BCL9L: variants seen among roughly 807,000 people sequenced by gnomAD.
BCL9L encodes B-cell CLL/lymphoma 9-like protein.
A neutral mutation model predicts 99.4 loss-of-function variants in BCL9L; 19 were observed. That is an observed-to-expected ratio of 0.19 (90% CI 0.13 to 0.28). BCL9L has a LOEUF of 0.28. Ranked by LOEUF, BCL9L falls within the 10% of genes least tolerant of loss-of-function variation. The pLI is 1.00. For missense variants in BCL9L, 2,023 were observed against 2,101.6 expected, an observed-to-expected ratio of 0.96 and a Z score of 0.73; for synonymous variants, 900 against 854.8, an observed-to-expected ratio of 1.05 and a Z score of -0.92.
In BCL9L at chr11:118,921,467, A is replaced by T. The variant is rs1941136350; in HGVS notation, c.-130-2588T>A. On this transcript the variant is annotated intron_variant, in intron 1 of 9. Coordinates refer to ENST00000683865, the MANE Select transcript of BCL9L (RefSeq NM_001378213.1). This position sits in a 1 kb window ranked among gnomAD's most constrained non-coding sequence, Gnocchi z 5.4. ...TCGAAATGCTGGAAATGCTGGATTC[A>T]GGGCCATTCCGAGTTGAGGCTGGGG... 6.6e-6 allele frequency among the ~76,000 whole-genome samples: 1 copy of T among 152,066 alleles called. No homozygotes were observed. The highest frequency in any genetic ancestry group is 1.5e-5 in the Non-Finnish European group (1 of 68,018).
At chr11:118,904,222 C>A (rs1323393919) in intron 5 of BCL9L, among the ~76,000 whole-genome samples, 1 of 151,904 alleles carries the variant, frequency 6.6e-6, no homozygotes. Context: ...GGGCGGATCA[C>A]CTGAGGTCAT....
At position 118,902,603 on chromosome 11, in the gene BCL9L, C is replaced by A. The variant is rs756056248; in HGVS notation, c.1140G>T (p.Leu380=). Reference sequence around the variant, plus strand: ...CATTTCCAGGGGCGGCTGCCTCCCCCAGCAGGGCAGGGCCGGGGGCACTGC... The same window carrying A: ...CATTTCCAGGGGCGGCTGCCTCCCCAAGCAGGGCAGGGCCGGGGGCACTGC... ...DPSSAPGPAL[L]GEAAAPGNGQ... Residue 380 remains leucine, a synonymous_variant, in exon 8 of 10, where the codon CTG becomes CTT. Coordinates refer to ENST00000683865, the MANE Select transcript of BCL9L (RefSeq NM_001378213.1). This position sits in a 1 kb window ranked among gnomAD's most constrained non-coding sequence, Gnocchi z 7.8. 11 of 1,599,950 alleles carry A rather than the reference C, an allele frequency of 6.9e-6. No homozygotes were observed. Among genetic ancestry groups the A allele is most frequent in the African/African-American group, 4.0e-5 (3 of 74,924 alleles).
Position 118,914,055 on chromosome 11 carries a change from A to T in BCL9L, c.-76-4040T>A, listed in dbSNP as rs1940890978. 6.6e-6 allele frequency among the ~76,000 whole-genome samples: 1 copy of T among 151,994 alleles called. No homozygotes were observed. The highest frequency in any genetic ancestry group is 2.1e-4 in the South Asian group (1 of 4,820). On this transcript the variant is annotated intron_variant, in intron 2 of 9. Transcript: ENST00000683865. The surrounding 1 kb of genome is among the most constrained non-coding windows in gnomAD (Gnocchi z 4.4). The stretch of plus-strand genomic sequence containing the variant: ...CTGGCACCTGCACCAGGGTGGGGGT[A>T]GGAGATGATCCAGGTGCCACTCTCT...
At position 118,921,343 on chromosome 11, in the gene BCL9L, G is replaced by T. The variant is rs1405835963; in HGVS notation, c.-130-2464C>A. ...AAACTCAGACACACAAACTTGCAGC[G>T]CAGAGTGTGTGAAGTCGGATTAGAA... On this transcript the variant is annotated intron_variant, in intron 1 of 9. Transcript: ENST00000683865. The surrounding 1 kb of genome is among the most constrained non-coding windows in gnomAD (Gnocchi z 5.4). Among the ~76,000 whole-genome samples the T allele has an allele frequency of 1.3e-5, 2 of 152,102 alleles. No homozygotes were observed. The highest frequency in any genetic ancestry group is 4.8e-5 in the African/African-American group (2 of 41,354).
Position 118,903,254 on chromosome 11 carries a change from G to A in BCL9L, c.731C>T (p.Thr244Ile). The part of the protein sequence containing the change: ...KPPSQFVYVF[T>I]THLANTAAEA... ...CACTTACGTGTTGGCCAGGTGGGTG[G>A]TGAAGACATATACGAACTGCGAGGG... The change falls in exon 6 of 10, where the codon ACC becomes ATC. Residue 244 changes from threonine (T) to isoleucine (I), a missense_variant. By Grantham distance (89) the Thr-to-Ile change is moderately conservative. Transcript: ENST00000683865. This position sits in a 1 kb window ranked among gnomAD's most constrained non-coding sequence, Gnocchi z 5.6. 1 of 1,590,058 alleles carries A rather than the reference G, an allele frequency of 6.3e-7. No individual in the cohort carries two copies. Among genetic ancestry groups the A allele is most frequent in the East Asian group, 2.3e-5 (1 of 44,156 alleles).
chr11:118,903,583 G>A lies in BCL9L; in HGVS notation c.533-131C>T. 1 of 1,022,186 alleles carries A rather than the reference G, an allele frequency of 9.8e-7. No individual in the cohort carries two copies. 63.3% of individuals were successfully genotyped at this position (1,022,186 alleles called of 1,614,324 possible). A position where few individuals can be genotyped will look rare whatever the true frequency, so the allele number is the denominator to read the frequency against. On this transcript the variant is annotated intron_variant, in intron 5 of 9. Coordinates refer to ENST00000683865, the MANE Select transcript of BCL9L (RefSeq NM_001378213.1). This position sits in a 1 kb window ranked among gnomAD's most constrained non-coding sequence, Gnocchi z 5.6. ...GGGACATTTGATGTCAGTATCTGGTGTTCTCACCAGGCTGGTTTCCACGAT... is the reference window on the plus strand; with the variant it reads ...GGGACATTTGATGTCAGTATCTGGTATTCTCACCAGGCTGGTTTCCACGAT...
At position 118,903,517 on chromosome 11, in the gene BCL9L, C is replaced by T. The variant is rs548840781; in HGVS notation, c.533-65G>A. The T allele has an allele frequency of 9.2e-6, 14 of 1,522,890 alleles. No individual in the cohort carries two copies. The African/African-American group carries it at 1.8e-4, about 19-fold the overall frequency. The allele number at this position is 1,522,890 out of a possible 1,614,324, so 94.3% of individuals were successfully genotyped here. On this transcript the variant is annotated intron_variant, in intron 5 of 9. Transcript: ENST00000683865. This position sits in a 1 kb window ranked among gnomAD's most constrained non-coding sequence, Gnocchi z 5.6. ...GATACAAGAAGGACCAGCTGATGCC[C>T]CCTCCCACTGATGCTCACAGCCTTA...
Position 118,896,275 on chromosome 11 carries a change from A to ATATATT in BCL9L, c.*2134_*2139dup, listed in dbSNP as rs1323640430. 19 of 164,238 alleles carry ATATATT rather than the reference A, an allele frequency of 1.2e-4. No homozygotes were observed. Among genetic ancestry groups the ATATATT allele is most frequent in the Admixed American group, 2.6e-4 (4 of 15,100 alleles). The allele number at this position is 164,238 out of a possible 1,614,324, so 10.2% of individuals were successfully genotyped here. Reference sequence around the variant, plus strand: ...GAAGATGTCTTCACATATTGTATTTATATATTTATATTTATATATATATTT... The same window carrying ATATATT: ...GAAGATGTCTTCACATATTGTATTTATATATTTATATTTATATTTATATATATATTT... On this transcript the variant is annotated 3_prime_UTR_variant, in exon 10 of 10. Coordinates refer to ENST00000683865, the MANE Select transcript of BCL9L (RefSeq NM_001378213.1).
Position 118,902,879 on chromosome 11 carries a change from C to T in BCL9L, c.864G>A (p.Pro288=), listed in dbSNP as rs1354724909. Residue 288 remains proline, a synonymous_variant, in exon 8 of 10, where the codon CCG becomes CCA. Coordinates refer to ENST00000683865, the MANE Select transcript of BCL9L (RefSeq NM_001378213.1). This position sits in a 1 kb window ranked among gnomAD's most constrained non-coding sequence, Gnocchi z 7.8. ...CTGCTGACGGCGTGCTCAGGGGTAG[C>T]GGTTCTGGGGTGGGGGGCACTTTAG... ...QAPKVPPTPE[P]LPLSTPSAGT... is the part of the protein sequence containing the mutation. 6 of 1,559,114 alleles carry T rather than the reference C, an allele frequency of 3.8e-6. No individual in the cohort carries two copies. Among genetic ancestry groups the T allele is most frequent in the South Asian group, 2.4e-5 (2 of 84,698 alleles).
chr11:118,902,074 C>T lies in BCL9L; in HGVS notation c.1669G>A (p.Val557Met). Residue 557 changes from valine to methionine, a missense_variant, in exon 8 of 10, where the codon GTG (valine) becomes ATG (methionine). Around this residue, in one of 3 missense-constraint regions of BCL9L, gnomAD observed 1,116 missense variants for 1,194.6 expected, o/e 0.93. Coordinates refer to ENST00000683865, the MANE Select transcript of BCL9L (RefSeq NM_001378213.1). The surrounding 1 kb of genome is among the most constrained non-coding windows in gnomAD (Gnocchi z 7.8). ...QDMMGMGGMM[V>M]RGPPPPYHSK... The stretch of plus-strand genomic sequence containing the variant: ...TGGTAAGGAGGCGGGGGCCCCCTCA[C>T]CATCATGCCCCCCATGCCCATCATG... 1 of 1,614,052 alleles carries T rather than the reference C, an allele frequency of 6.2e-7. No individual in the cohort carries two copies. The highest frequency in any genetic ancestry group is 1.1e-5 in the South Asian group (1 of 91,086).
Position 118,901,436 on chromosome 11 carries a change from G to T in BCL9L, c.2307C>A (p.Asn769Lys), listed in dbSNP as rs1940230104. The change falls in exon 8 of 10, where the codon AAC becomes AAA. Residue 769 changes from asparagine to lysine, a missense_variant. Transcript: ENST00000683865. The surrounding 1 kb of genome is among the most constrained non-coding windows in gnomAD (Gnocchi z 6.6). ...REVDPPMGPG[N>K]LNMNMNVNMN... Reference sequence around the variant, plus strand: ...TGTTGACATTCATGTTCATGTTGAGGTTGCCTGGCCCCATGGGTGGGTCCA... The same window carrying T: ...TGTTGACATTCATGTTCATGTTGAGTTTGCCTGGCCCCATGGGTGGGTCCA... The T allele has an allele frequency of 1.9e-6, 3 of 1,613,944 alleles. No individual in the cohort carries two copies. The highest frequency in any genetic ancestry group is 1.7e-5 in the Admixed American group (1 of 60,000).
intron 1 of BCL9L, among the ~76,000 whole-genome samples, chr11:118,924,091 G>A (rs1941219542): frequency 6.6e-6 from 1 of 152,242 alleles, no homozygotes; most frequent in Middle Eastern, 3.4e-3. Flanking sequence ...AGAAGAGAAG[G>A]AGAAGACAGT....
intron 2 of BCL9L, chr11:118,911,256 A>T: frequency 2.2e-6 from 1 of 455,770 alleles, no homozygotes; most frequent in Non-Finnish European, 4.4e-6. Context: ...TCTTGGGCCC[A>T]GGAGCTTCGT....
rs1015188876 is a variant in BCL9L at position 118,921,229 on chromosome 11, G to A, written c.-130-2350C>T. Among the ~76,000 whole-genome samples the A allele has an allele frequency of 3.3e-5, 5 of 151,986 alleles. No individual in the cohort carries two copies. The highest frequency in any genetic ancestry group is 1.3e-4 in the Admixed American group (2 of 15,258). On this transcript the variant is annotated intron_variant, in intron 1 of 9. Coordinates refer to ENST00000683865, the MANE Select transcript of BCL9L (RefSeq NM_001378213.1). This position sits in a 1 kb window ranked among gnomAD's most constrained non-coding sequence, Gnocchi z 5.4. ...TCACACAGAACTGCCAAACAGAACC[G>A]CCGACAGAAGATACACCCACACTGA...
At chr11:118,915,989 A>G (rs541487684) in intron 2 of BCL9L, among the ~76,000 whole-genome samples, 1 of 152,132 alleles carries the variant, frequency 6.6e-6, no homozygotes, top group South Asian at 2.1e-4. Flanking sequence ...ATCTGTTCCC[A>G]TTTTCTCGTG....
rs1592005437 is a variant in BCL9L, at chr11:118,921,494, T to G, written c.-130-2615A>C. Among the ~76,000 whole-genome samples the G allele has an allele frequency of 6.8e-6, 1 of 146,616 alleles. No individual in the cohort carries two copies. The highest frequency in any genetic ancestry group is 2.5e-5 in the African/African-American group (1 of 39,218). On this transcript the variant is annotated intron_variant, in intron 1 of 9. Transcript: ENST00000683865. The surrounding 1 kb of genome is among the most constrained non-coding windows in gnomAD (Gnocchi z 5.4). ...GGCCATTCCGAGTTGAGGCTGGGGG[T>G]GGGGAAGTGGAGAGTGAGGAGGAGG...
rs1198250570 is a variant in BCL9L at position 118,903,694 on chromosome 11, G to A, written c.533-242C>T. Among the ~76,000 whole-genome samples, 2 of 152,188 alleles carry A rather than the reference G, an allele frequency of 1.3e-5. No homozygotes were observed. The highest frequency in any genetic ancestry group is 2.9e-5 in the Non-Finnish European group (2 of 68,030). ...CCCATGGGCCTGGCATTCTGCTGGG[G>A]ACTTAACAGGTGTGATTTCATCTCA... is the stretch of plus-strand genomic sequence containing the variant. On this transcript the variant is annotated intron_variant, in intron 5 of 9. Transcript: ENST00000683865. This position sits in a 1 kb window ranked among gnomAD's most constrained non-coding sequence, Gnocchi z 5.6.
chr11:118,909,190 C>T (rs952689380), intron 3 of BCL9L, among the ~76,000 whole-genome samples: 1 of 152,128 alleles, frequency 6.6e-6, no homozygotes, highest in East Asian at 1.9e-4. Flanking sequence ...CTGGTCCAGA[C>T]AGCTGGAGGG....
In BCL9L at chr11:118,900,795, A is replaced by G. The variant is rs778914229; in HGVS notation, c.2948T>C (p.Leu983Pro). The G allele has an allele frequency of 6.2e-7, 1 of 1,613,862 alleles. No individual in the cohort carries two copies. Among genetic ancestry groups the G allele is most frequent in the South Asian group, 1.1e-5 (1 of 91,070 alleles). ...LKSPQVLGSS[L>P]SVRSPTGSPS... ...CGAGCCAGTGGGTGAACGGACACTG[A>G]GGGAGGAGCCGAGGACCTGGGGCGA... Residue 983 changes from leucine (L) to proline (P), a missense_variant, in exon 8 of 10, where the codon CTC becomes CCC. By Grantham distance (98) the Leu-to-Pro change is moderately conservative (BLOSUM62 -3). This residue lies in a region of BCL9L where 902 missense variants were observed against 888.2 expected (regional missense o/e 1.02). Transcript: ENST00000683865. This position sits in a 1 kb window ranked among gnomAD's most constrained non-coding sequence, Gnocchi z 5.3.
Sources: allele counts gnomAD v4.1 joint callset (sites outside exome capture counted in the v4.1 genomes callset), GRCh38; gene constraint gnomAD v4.1.1; regional missense constraint gnomAD v4.1.1; non-coding constraint Gnocchi (gnomAD v3.1); transcripts MANE v1.5; gene names NCBI Gene and HGNC (gene_info 2026-07-23, HGNC 2026-07-21).